MRTFA: variants seen among roughly 807,000 people sequenced by gnomAD.
MRTFA encodes the protein myocardin-related transcription factor A.
MRTFA carries 20 observed loss-of-function variants against 83.5 expected under a neutral mutation model. The observed-to-expected ratio is 0.24, with a 90% CI of 0.17 to 0.35. The LOEUF (loss-of-function observed/expected upper bound fraction) is 0.35. MRTFA is among the 10% of genes least tolerant of loss of function. MRTFA has a pLI of 1.00. For missense variants in MRTFA, 1,200 were observed against 1,224.7 expected (o/e 0.98, Z 0.30); for synonymous variants, 659 against 541.2 (o/e 1.22, Z -3.02).
rs748992093 is a variant in MRTFA, at chr22:40,605,029, G to A, written c.-83-10294C>T. ...TCTGAAAAATTAAACCCCAAAACACGAATCATTTATTTTTGACCCATGTTA... is the reference window on the plus strand; with the variant it reads ...TCTGAAAAATTAAACCCCAAAACACAAATCATTTATTTTTGACCCATGTTA... On this transcript the variant is annotated intron_variant, in intron 1 of 14. Coordinates refer to ENST00000355630, the MANE Select transcript of MRTFA (RefSeq NM_020831.6). 5.3e-5 allele frequency among the ~76,000 whole-genome samples: 8 copies of A among 152,120 alleles called. No individual in the cohort carries two copies. The East Asian group carries it at 1.5e-3, about 29-fold the overall frequency.
At chr22:40,482,312 A>T (rs1313925216) in intron 3 of MRTFA, among the ~76,000 whole-genome samples, 1 of 152,142 alleles carries the variant, frequency 6.6e-6, no homozygotes, top group Non-Finnish European at 1.5e-5. Flanking sequence ...AAAAATATTA[A>T]TAACTATAAA....
intron 3 of MRTFA, among the ~76,000 whole-genome samples, chr22:40,520,033 T>C (rs1474342098): frequency 1.3e-5 from 2 of 152,230 alleles, no homozygotes; most frequent in African/African-American, 4.8e-5. Flanking sequence ...TATGCCTGTA[T>C]AACCACGACA....
intron 2 of MRTFA, among the ~76,000 whole-genome samples, chr22:40,567,117 C>G (rs1044389225): frequency 1.3e-5 from 2 of 152,146 alleles, no homozygotes; most frequent in African/African-American, 2.4e-5. Context: ...AAAGTAGAGA[C>G]ATTAACTACA....
intron 3 of MRTFA, among the ~76,000 whole-genome samples, chr22:40,502,660 G>A (rs1458511483): frequency 2.7e-5 from 4 of 150,484 alleles, no homozygotes; most frequent in Admixed American, 1.3e-4. Flanking sequence ...TGGCGGCCGG[G>A]CAGAGGCTGC....
chr22:40,471,904 T>A (rs143218727), intron 3 of MRTFA, among the ~76,000 whole-genome samples: 169 of 152,162 alleles, frequency 1.1e-3, no homozygotes, highest in African/African-American at 3.4e-3. Context: ...AGAATACCAA[T>A]CATTCACAAA....
At chr22:40,502,429 C>T (rs1166753153) in intron 3 of MRTFA, among the ~76,000 whole-genome samples, 1 of 127,192 alleles carries the variant, frequency 7.9e-6, no homozygotes, top group Non-Finnish European at 1.7e-5. Context: ...GATGGGGCGG[C>T]GGGGCAGAGG....
intron 3 of MRTFA, among the ~76,000 whole-genome samples, chr22:40,499,914 C>CTTTTTTTTT (rs72041822): frequency 7.1e-5 from 6 of 84,928 alleles, no homozygotes; most frequent in African/African-American, 1.8e-4. Context: ...TCAAGTAGAC[C>CTTTTTTTTT]TTTTTTTTTT....
chr22:40,417,545 A>C, intron 12 of MRTFA, 52 bp from the exon 13 acceptor site: 46 of 204,750 alleles, frequency 2.2e-4, no homozygotes, highest in Middle Eastern at 1.9e-3. Flanking sequence ...GGGGGTGCAG[A>C]CCTGCCTTGT....
At chr22:40,417,138 G>A (rs1417529290) in intron 13 of MRTFA, 92 bp from the exon 14 acceptor site, 3 of 1,451,582 alleles carry the variant, frequency 2.1e-6, no homozygotes, top group Non-Finnish European at 2.8e-6. Context: ...CTCTGCCCCA[G>A]AATAAGCAGC....
At chr22:40,519,700 T>C (rs1004314367) in intron 3 of MRTFA, 1 of 990,732 alleles carries the variant, frequency 1.0e-6, no homozygotes, top group Admixed American at 3.4e-5. Flanking sequence ...CACCCACTCA[T>C]GGGTTCTGAA....
chr22:40,467,533 A>G (rs1217633885), intron 3 of MRTFA, among the ~76,000 whole-genome samples: 1 of 152,122 alleles, frequency 6.6e-6, no homozygotes. Context: ...TTATTTAATA[A>G]CCTACTTTCA....
chr22:40,633,919 C>G (rs1014379335), intron 1 of MRTFA, among the ~76,000 whole-genome samples: 36 of 152,146 alleles, frequency 2.4e-4, no homozygotes, highest in African/African-American at 8.4e-4. Flanking sequence ...AGATTCAAGT[C>G]CTGGTTCTGT....
At chr22:40,468,072 T>C (rs1021655471) in intron 3 of MRTFA, among the ~76,000 whole-genome samples, 1 of 152,182 alleles carries the variant, frequency 6.6e-6, no homozygotes, top group Admixed American at 6.5e-5. Context: ...AAGGCATCAA[T>C]TGCTATTTGA....
chr22:40,591,197 AGCTCTTAC>A (rs1264457195), intron 2 of MRTFA, among the ~76,000 whole-genome samples: 1 of 151,366 alleles, frequency 6.6e-6, no homozygotes, highest in African/African-American at 2.4e-5. Context: ...AATAATAACG[AGCTCTTAC>A]TGAGAGGCCT....
At chr22:40,442,507 T>TTCCA (rs1378557796) in intron 4 of MRTFA, among the ~76,000 whole-genome samples, 2 of 152,146 alleles carry the variant, frequency 1.3e-5, no homozygotes, top group African/African-American at 2.4e-5. Context: ...CTAGAAATAT[T>TTCCA]TCCATCCATC....
chr22:40,528,678 G>T (rs566423236), intron 3 of MRTFA, among the ~76,000 whole-genome samples: 6 of 151,376 alleles, frequency 4.0e-5, no homozygotes, highest in South Asian at 4.2e-4. Flanking sequence ...TGGAGGCTGC[G>T]GTGAGCCGAG....
intron 2 of MRTFA, among the ~76,000 whole-genome samples, chr22:40,567,522 T>G (rs950074394): frequency 6.6e-6 from 1 of 152,198 alleles, no homozygotes; most frequent in African/African-American, 2.4e-5. Context: ...ATTTTCAAGT[T>G]AGGAATTCTT....
At chr22:40,606,988 T>G (rs1240119164) in intron 1 of MRTFA, among the ~76,000 whole-genome samples, 3 of 152,250 alleles carry the variant, frequency 2.0e-5, no homozygotes, top group Non-Finnish European at 4.4e-5. Context: ...CAAAAATAAC[T>G]ATTTTGTTAA....
At chr22:40,483,412 G>T (rs1316973213) in intron 3 of MRTFA, among the ~76,000 whole-genome samples, 2 of 149,168 alleles carry the variant, frequency 1.3e-5, no homozygotes, top group African/African-American at 5.0e-5. Context: ...TCAGCCAGGC[G>T]CAATGGCTCA....
Sources: allele counts gnomAD v4.1 joint callset (sites outside exome capture counted in the v4.1 genomes callset), GRCh38; gene constraint gnomAD v4.1.1; transcripts MANE v1.5; gene names NCBI Gene and HGNC (gene_info 2026-07-23, HGNC 2026-07-21).